Variants in PRC1 observed in about 807,000 individuals in gnomAD.
PRC1 encodes the protein protein regulator of cytokinesis 1.
Under a neutral mutation model 91.2 loss-of-function variants are expected in PRC1, and 54 were observed. The observed-to-expected ratio is 0.59, with a 90% CI of 0.48 to 0.74. PRC1 has a LOEUF of 0.74. PRC1 is among the 30% of genes least tolerant of loss of function. The probability of loss-of-function intolerance (pLI) is 0.00; values close to 1 mark genes in which losing one functional copy is unlikely to be tolerated. For missense variants in PRC1, 727 were observed against 746.2 expected (o/e 0.97, Z 0.30); for synonymous variants, 275 against 263.6 (o/e 1.04, Z -0.42).
chr15:90,984,680 C>T lies in PRC1; in HGVS notation c.144+13G>A. 6.2e-7 allele frequency: 1 copy of T among 1,614,074 alleles called. No individual in the cohort carries two copies. Among genetic ancestry groups the T allele is most frequent in the Non-Finnish European group, 8.5e-7 (1 of 1,179,940 alleles). ...CCCTGGTCCAATGCAGAGACCAGTACTATTCAACCCACCTTGATATGCTTC... is the reference window on the plus strand; with the variant it reads ...CCCTGGTCCAATGCAGAGACCAGTATTATTCAACCCACCTTGATATGCTTC... On this transcript the variant is annotated intron_variant, in intron 2 of 14. Transcript: ENST00000394249. The surrounding 1 kb of genome is among the most constrained non-coding windows in gnomAD (Gnocchi z 5.1).
At chr15:90,971,743 C>G (rs188268536) in intron 11 of PRC1, among the ~76,000 whole-genome samples, 1 of 152,006 alleles carries the variant, frequency 6.6e-6, no homozygotes, top group Admixed American at 6.6e-5. Flanking sequence ...GTAATCCCAG[C>G]TACTCGGGAG....
intron 1 of PRC1, among the ~76,000 whole-genome samples, 200 bp downstream of exon 1, chr15:90,994,207 C>T (rs970546478): frequency 6.6e-5 from 10 of 152,096 alleles, no homozygotes; most frequent in Non-Finnish European, 1.2e-4. Flanking sequence ...GACAGCGCGT[C>T]AGGTCTCACC....
At chr15:90,993,249 G>T (rs1229038105) in intron 1 of PRC1, among the ~76,000 whole-genome samples, 2 of 132,478 alleles carry the variant, frequency 1.5e-5, no homozygotes, top group African/African-American at 6.0e-5. Flanking sequence ...TCACTCTGTC[G>T]CCTAGGCTGG....
Position 90,966,793 on chromosome 15 carries a change from C to A in PRC1, c.*338G>T. ...AATTACCCCCAGGGATGGGCATAGT[C>A]AATCATTTTCCTACAGTGGTGAAAT... On this transcript the variant is annotated 3_prime_UTR_variant, in exon 15 of 15. Coordinates refer to ENST00000394249, the MANE Select transcript of PRC1 (RefSeq NM_003981.4). The A allele has an allele frequency of 4.6e-6, 2 of 436,222 alleles. No individual in the cohort carries two copies. The highest frequency in any genetic ancestry group is 4.4e-6 in the Non-Finnish European group (1 of 228,806). 27.0% of individuals were successfully genotyped at this position (436,222 alleles called of 1,614,324 possible). A position where few individuals can be genotyped will look rare whatever the true frequency, so the allele number is the denominator to read the frequency against.
chr15:90,994,494 A>G lies in PRC1; in HGVS notation c.-77T>C, dbSNP rs3784777. 895 of 1,530,576 alleles carry G rather than the reference A, an allele frequency of 5.8e-4. 9 individuals carry two copies. In the East Asian group the frequency reaches 0.021, roughly 35 times the overall value. The allele number at this position is 1,530,576 out of a possible 1,614,324, so 94.8% of individuals were successfully genotyped here. A position where few individuals can be genotyped will look rare whatever the true frequency, so the allele number is the denominator to read the frequency against. On this transcript the variant is annotated 5_prime_UTR_variant, in exon 1 of 15. Coordinates refer to ENST00000394249, the MANE Select transcript of PRC1 (RefSeq NM_003981.4). ...CCCCGAGAGCAACAACCACCCGCAA[A>G]CACCGGCGATGTCACTCCGCGTAGC...
In PRC1 at chr15:90,981,074, A is replaced by G. The variant is rs771644143; in HGVS notation, c.673-41T>C. 3 of 1,611,006 alleles carry G rather than the reference A, an allele frequency of 1.9e-6. No homozygotes were observed. The African/African-American group carries it at 4.0e-5, about 22-fold the overall frequency. On this transcript the variant is annotated intron_variant, in intron 5 of 14. Coordinates refer to ENST00000394249, the MANE Select transcript of PRC1 (RefSeq NM_003981.4). ...CCAGTGTCACTCACGGCAAAGCAGC[A>G]GCACAGAGGCTAGCCCTCTAGCCTC... is the stretch of plus-strand genomic sequence containing the variant.
Position 90,974,383 on chromosome 15 carries a change from A to T in PRC1, c.1351-137T>A, listed in dbSNP as rs2151471190. The stretch of plus-strand genomic sequence containing the variant: ...AGAGCTGCCGCGGGCTCCCCGTTCC[A>T]CAAGCCCCGGTCCCCGGCTCCCCGT... On this transcript the variant is annotated intron_variant, in intron 10 of 14. Transcript: ENST00000394249. This position sits in a 1 kb window ranked among gnomAD's most constrained non-coding sequence, Gnocchi z 4.6. The T allele has an allele frequency of 9.3e-7, 1 of 1,080,968 alleles. No individual in the cohort carries two copies. The highest frequency in any genetic ancestry group is 2.3e-5 in the Admixed American group (1 of 42,830). 67.0% of individuals were successfully genotyped at this position (1,080,968 alleles called of 1,614,324 possible).
rs770349225 is a variant in PRC1, at chr15:90,984,168, T to C, written c.145-28A>G. 31 of 1,611,128 alleles carry C rather than the reference T, an allele frequency of 1.9e-5. No individual in the cohort carries two copies. The highest frequency in any genetic ancestry group is 2.6e-5 in the Non-Finnish European group (31 of 1,178,314). ...ACAAGAGGGAAAACAGTCCATAAGT[T>C]TGGGGCAATGGAGGAAAAAAACTCC... is the stretch of plus-strand genomic sequence containing the variant. On this transcript the variant is annotated intron_variant, in intron 2 of 14. Transcript: ENST00000394249. The surrounding 1 kb of genome is among the most constrained non-coding windows in gnomAD (Gnocchi z 5.1).
intron 8 of PRC1, among the ~76,000 whole-genome samples, chr15:90,977,027 G>A (rs1369688676): frequency 2.6e-5 from 4 of 151,642 alleles, no homozygotes; most frequent in Non-Finnish European, 5.9e-5. Flanking sequence ...CTACTCAGGA[G>A]GCTGAGACAG....
At chr15:90,982,235 A>AT in intron 3 of PRC1, 1 of 543,652 alleles carries the variant, frequency 1.8e-6, no homozygotes, top group South Asian at 2.2e-5. Flanking sequence ...AAAATTTACC[A>AT]TCTTAACCAT....
chr15:90,970,541 G>C (rs973774239), intron 11 of PRC1, 27 bp from the exon 12 acceptor site: 1 of 1,473,332 alleles, frequency 6.8e-7, no homozygotes, highest in Non-Finnish European at 9.5e-7. Context: ...GTGGGTAACT[G>C]ATGTGCAGTA....
intron 6 of PRC1, 169 bp from the exon 7 acceptor site, chr15:90,980,558 G>A (rs114240831): frequency 7.2e-5 from 55 of 763,538 alleles, no homozygotes; most frequent in Non-Finnish European, 8.7e-5. Context: ...TCACTCTCTC[G>A]CCCAGACAGG....
At chr15:90,971,348 C>A (rs2038108621) in intron 11 of PRC1, among the ~76,000 whole-genome samples, 1 of 152,126 alleles carries the variant, frequency 6.6e-6, no homozygotes, top group Non-Finnish European at 1.5e-5. Context: ...TACAGTGGTA[C>A]AATCTTGGTT....
intron 1 of PRC1, among the ~76,000 whole-genome samples, chr15:90,992,989 G>C (rs372462685): frequency 7.9e-6 from 1 of 127,160 alleles, no homozygotes; most frequent in Non-Finnish European, 1.6e-5. Flanking sequence ...CCAGAGTTTC[G>C]TTTGAGCCTC....
At chr15:90,975,749 C>T (rs140606799) in intron 9 of PRC1, among the ~76,000 whole-genome samples, 2 of 152,112 alleles carry the variant, frequency 1.3e-5, no homozygotes, top group East Asian at 1.9e-4. Context: ...TTCCTGAGAC[C>T]GAGATGGGAG....
intron 13 of PRC1, 111 bp downstream of exon 13, chr15:90,969,336 C>T (rs768945578): frequency 1.4e-6 from 2 of 1,387,734 alleles, no homozygotes; most frequent in Non-Finnish European, 2.0e-6. Flanking sequence ...GGATTCTCAG[C>T]CTCCAAGGTA....
At chr15:90,978,208 T>C (rs1202114885) in intron 8 of PRC1, among the ~76,000 whole-genome samples, 1 of 152,180 alleles carries the variant, frequency 6.6e-6, no homozygotes, top group Non-Finnish European at 1.5e-5. Context: ...AAGGAATCAA[T>C]ACCCATGCAA....
At position 90,979,469 on chromosome 15, in the gene PRC1, G is replaced by T. The variant is rs892362312; in HGVS notation, c.971-175C>A. On this transcript the variant is annotated intron_variant, in intron 7 of 14. Transcript: ENST00000394249. ...ATAGTGGTTAATAAAAACCAGCTTTGTCACAATCAGCCTGGGGGAGTAGGG... is the reference window on the plus strand; with the variant it reads ...ATAGTGGTTAATAAAAACCAGCTTTTTCACAATCAGCCTGGGGGAGTAGGG... 2.6e-5 allele frequency among the ~76,000 whole-genome samples: 4 copies of T among 152,164 alleles called. No individual in the cohort carries two copies. The East Asian group carries it at 7.7e-4, about 29-fold the overall frequency.
chr15:90,993,670 C>T (rs552166577), intron 1 of PRC1, among the ~76,000 whole-genome samples: 2 of 152,202 alleles, frequency 1.3e-5, no homozygotes, highest in African/African-American at 4.8e-5. Flanking sequence ...TCCCCAACAC[C>T]GCCTAGGAAG....
Sources: allele counts gnomAD v4.1 joint callset (sites outside exome capture counted in the v4.1 genomes callset), GRCh38; gene constraint gnomAD v4.1.1; non-coding constraint Gnocchi (gnomAD v3.1); transcripts MANE v1.5; gene names NCBI Gene and HGNC (gene_info 2026-07-23, HGNC 2026-07-21).